The following SNTB1 variants were observed in gnomAD, a reference collection of about 807,000 sequenced individuals.
SNTB1 encodes beta-1-syntrophin.
SNTB1 carries 36 observed loss-of-function variants against 48.9 expected under a neutral mutation model. The ratio of observed to expected loss-of-function variants is 0.74; its 90% CI spans 0.56 to 0.97. The LOEUF (loss-of-function observed/expected upper bound fraction) is 0.97. Ranked by LOEUF, SNTB1 falls within the 50% of genes least tolerant of loss-of-function variation. The pLI is 0.00. For synonymous variants in SNTB1, 299 were observed against 294.6 expected, an observed-to-expected ratio of 1.01 and a Z score of -0.15; for missense variants, 786 against 703.4, an observed-to-expected ratio of 1.12 and a Z score of -1.33.
At chr8:120,574,530 T>C (rs59896584) in intron 4 of SNTB1, among the ~76,000 whole-genome samples, 31,048 of 152,062 alleles carry the variant, frequency 0.2, 3,284 homozygotes, top group Middle Eastern at 0.3. Context: ...GTCAATACCG[T>C]GATGAAGTGC....
chr8:120,673,151 G>C (rs574081892), intron 2 of SNTB1, among the ~76,000 whole-genome samples: 18 of 152,244 alleles, frequency 1.2e-4, no homozygotes, highest in Non-Finnish European at 2.2e-4. Context: ...CTTCTAAGTG[G>C]CCTCATCATT....
At chr8:120,691,775 A>G (rs549323624) in intron 2 of SNTB1, among the ~76,000 whole-genome samples, 1 of 152,338 alleles carries the variant, frequency 6.6e-6, no homozygotes, top group African/African-American at 2.4e-5. Context: ...TAGGCTGGGT[A>G]TACCATAGGC....
chr8:120,789,926 A>G (rs1230029881), intron 1 of SNTB1, among the ~76,000 whole-genome samples: 1 of 152,022 alleles, frequency 6.6e-6, no homozygotes, highest in African/African-American at 2.4e-5. Context: ...AGGAAAGAAT[A>G]TAACAAAAAA....
chr8:120,538,080 G>A lies in SNTB1; in HGVS notation c.*797C>T, dbSNP rs1032014428. 2 of 152,342 alleles carry A rather than the reference G, an allele frequency of 1.3e-5. No individual in the cohort carries two copies. Among genetic ancestry groups the A allele is most frequent in the South Asian group, 2.1e-4 (1 of 4,836 alleles). 9.4% of individuals were successfully genotyped at this position (152,342 alleles called of 1,614,324 possible). A position where few individuals can be genotyped will look rare whatever the true frequency, so the allele number is the denominator to read the frequency against. On this transcript the variant is annotated 3_prime_UTR_variant, in exon 7 of 7. Coordinates refer to ENST00000517992, the MANE Select transcript of SNTB1 (RefSeq NM_021021.4). ...TAATTCACTCTCTATAAATAAAGCTGTAATTCTTGGCTATAAGACAGCAGA... is the reference window on the plus strand; with the variant it reads ...TAATTCACTCTCTATAAATAAAGCTATAATTCTTGGCTATAAGACAGCAGA...
At chr8:120,567,315 T>C (rs763604852) in intron 4 of SNTB1, among the ~76,000 whole-genome samples, 1 of 152,142 alleles carries the variant, frequency 6.6e-6, no homozygotes, top group African/African-American at 2.4e-5. Context: ...AATTCTCATA[T>C]TGGGCAAGGT....
intron 1 of SNTB1, among the ~76,000 whole-genome samples, chr8:120,772,138 G>A (rs970176157): frequency 2.0e-5 from 3 of 152,022 alleles, no homozygotes; most frequent in Admixed American, 2.0e-4. Context: ...CAAAGTGCTG[G>A]GATTACAGGC....
intron 1 of SNTB1, among the ~76,000 whole-genome samples, chr8:120,789,580 A>T (rs1162403948): frequency 6.6e-6 from 1 of 152,016 alleles, no homozygotes; most frequent in Non-Finnish European, 1.5e-5. Flanking sequence ...AATACAGAAG[A>T]TCATCTGAGA....
At chr8:120,607,844 G>A (rs1342183554) in intron 3 of SNTB1, among the ~76,000 whole-genome samples, 4 of 152,208 alleles carry the variant, frequency 2.6e-5, no homozygotes, top group African/African-American at 9.6e-5. Flanking sequence ...AAGGTGAAAT[G>A]TTGTAACTGA....
At chr8:120,808,763 T>C (rs531639471) in intron 1 of SNTB1, among the ~76,000 whole-genome samples, 96 of 152,206 alleles carry the variant, frequency 6.3e-4, no homozygotes, top group Non-Finnish European at 1.1e-3. Context: ...CTTTACAGGG[T>C]GTTCCACTTG....
intron 6 of SNTB1, chr8:120,541,270 C>T (rs1488802846): frequency 6.6e-6 from 1 of 152,340 alleles, no homozygotes; most frequent in African/African-American, 2.4e-5. Flanking sequence ...TATTGTTTGA[C>T]GTCAGTTCCA....
At chr8:120,664,453 G>T (rs1370182779) in intron 2 of SNTB1, among the ~76,000 whole-genome samples, 1 of 152,184 alleles carries the variant, frequency 6.6e-6, no homozygotes, top group Non-Finnish European at 1.5e-5. Flanking sequence ...TACCCCCCAT[G>T]ACAGTCCTTT....
At position 120,693,793 on chromosome 8, in the gene SNTB1, G is replaced by A. The variant is rs1310012304; in HGVS notation, c.687C>T (p.Pro229=). 2 of 1,613,914 alleles carry A rather than the reference G, an allele frequency of 1.2e-6. No individual in the cohort carries two copies. The highest frequency in any genetic ancestry group is 1.7e-5 in the Admixed American group (1 of 59,946). The change falls in exon 2 of 7, where the codon CCC becomes CCT. Residue 229 remains proline, a synonymous_variant. Coordinates refer to ENST00000517992, the MANE Select transcript of SNTB1 (RefSeq NM_021021.4). ...GGAAGGAGAAGGACTGCGATGACGG[G>A]GGGTCTGAGGTGCTGCCCCCTAACC... The part of the protein sequence containing the change: ...SPRLGGSTSD[P]PSSQSFSFHR...
chr8:120,669,893 T>A (rs943118414), intron 2 of SNTB1, among the ~76,000 whole-genome samples: 4 of 152,244 alleles, frequency 2.6e-5, no homozygotes. Context: ...TGTAATACAC[T>A]TTGAGTAGCA....
intron 1 of SNTB1, among the ~76,000 whole-genome samples, chr8:120,721,714 C>T (rs1818661298): frequency 1.3e-5 from 2 of 151,620 alleles, no homozygotes; most frequent in African/African-American, 2.4e-5. Flanking sequence ...ACTTTGAGAC[C>T]ATTAGTTTAT....
chr8:120,668,143 GT>G (rs1817703951), intron 2 of SNTB1, among the ~76,000 whole-genome samples: 1 of 152,118 alleles, frequency 6.6e-6, no homozygotes, highest in African/African-American at 2.4e-5. Flanking sequence ...GGCTGTTTCG[GT>G]CTTCCAGACT....
intron 1 of SNTB1, among the ~76,000 whole-genome samples, chr8:120,749,011 C>A (rs1253309543): frequency 1.3e-5 from 2 of 151,994 alleles, no homozygotes; most frequent in African/African-American, 4.8e-5. Context: ...ACCTGGCACC[C>A]AATAAGAACA....
At chr8:120,770,350 C>T (rs1405330686) in intron 1 of SNTB1, among the ~76,000 whole-genome samples, 4 of 151,622 alleles carry the variant, frequency 2.6e-5, no homozygotes, top group South Asian at 2.1e-4. Context: ...TCCCTACAGA[C>T]GACATCCACC....
intron 1 of SNTB1, among the ~76,000 whole-genome samples, chr8:120,779,443 C>A (rs1444416802): frequency 6.6e-6 from 1 of 152,098 alleles, no homozygotes; most frequent in East Asian, 1.9e-4. Context: ...GCAGAGGCTG[C>A]AGTGAGCCCA....
chr8:120,590,374 C>T (rs1563825472), intron 3 of SNTB1, among the ~76,000 whole-genome samples: 1 of 152,142 alleles, frequency 6.6e-6, no homozygotes, highest in South Asian at 2.1e-4. Flanking sequence ...CCTGCCAGTA[C>T]CTAGTATCAG....
Sources: allele counts gnomAD v4.1 joint callset (sites outside exome capture counted in the v4.1 genomes callset), GRCh38; gene constraint gnomAD v4.1.1; transcripts MANE v1.5; gene names NCBI Gene and HGNC (gene_info 2026-07-23, HGNC 2026-07-21).